Variants in SH3GL2 observed in about 807,000 individuals in gnomAD.
SH3GL2 encodes SH3 domain containing GRB2 like 2, endophilin A1.
Under a neutral mutation model 46.0 loss-of-function variants are expected in SH3GL2, and 24 were observed. The ratio of observed to expected loss-of-function variants is 0.52; its 90% CI spans 0.38 to 0.73. The LOEUF is 0.73. Among genes scored for constraint, SH3GL2 ranks in the 30% least tolerant of loss-of-function variants. The pLI, the probability that SH3GL2 is intolerant of heterozygous loss-of-function variation, is 0.00. For missense variants in SH3GL2, 413 were observed against 424.2 expected (o/e 0.97, Z 0.23); for synonymous variants, 196 against 147.1 (o/e 1.33, Z -2.40).
At chr9:17,624,287 A>T (rs1025438711) in intron 1 of SH3GL2, among the ~76,000 whole-genome samples, 1 of 152,140 alleles carries the variant, frequency 6.6e-6, no homozygotes, top group African/African-American at 2.4e-5. Flanking sequence ...TGATTATATA[A>T]TTATTGTTTT....
intron 1 of SH3GL2, among the ~76,000 whole-genome samples, chr9:17,669,842 A>G (rs1011811082): frequency 1.3e-5 from 2 of 152,144 alleles, no homozygotes; most frequent in Admixed American, 6.5e-5. Context: ...TAGCCAAGGA[A>G]ATCAAGGACA....
At chr9:17,684,921 T>C (rs1820865355) in intron 1 of SH3GL2, among the ~76,000 whole-genome samples, 1 of 152,146 alleles carries the variant, frequency 6.6e-6, no homozygotes, top group Non-Finnish European at 1.5e-5. Context: ...GAAATGAAGA[T>C]AAGGCTCTGG....
intron 1 of SH3GL2, among the ~76,000 whole-genome samples, chr9:17,675,703 C>CTCCT (rs1820590214): frequency 6.6e-6 from 1 of 152,134 alleles, no homozygotes; most frequent in African/African-American, 2.4e-5. Context: ...TCTCAGCACT[C>CTCCT]TGAGAGGCCG....
intron 1 of SH3GL2, among the ~76,000 whole-genome samples, chr9:17,651,809 T>G (rs938179573): frequency 1.3e-5 from 2 of 152,188 alleles, no homozygotes; most frequent in Non-Finnish European, 2.9e-5. Context: ...TTGTTTTAAA[T>G]TCTTATTTTG....
At chr9:17,711,071 T>A (rs891232932) in intron 1 of SH3GL2, among the ~76,000 whole-genome samples, 3 of 151,742 alleles carry the variant, frequency 2.0e-5, no homozygotes, top group Admixed American at 6.6e-5. Flanking sequence ...GGGGAAAAAA[T>A]TGTGTCTATT....
chr9:17,665,250 C>T (rs888531277), intron 1 of SH3GL2, among the ~76,000 whole-genome samples: 1 of 152,118 alleles, frequency 6.6e-6, no homozygotes, highest in Non-Finnish European at 1.5e-5. Flanking sequence ...ATATCCAGTC[C>T]ACAATCTGAA....
intron 1 of SH3GL2, among the ~76,000 whole-genome samples, chr9:17,743,330 C>T (rs1822582905): frequency 2.6e-5 from 4 of 151,966 alleles, no homozygotes; most frequent in Admixed American, 1.3e-4. Flanking sequence ...ATTACTTTTT[C>T]CCCCAGGAAT....
intron 1 of SH3GL2, among the ~76,000 whole-genome samples, chr9:17,583,626 T>C (rs1341578497): frequency 6.6e-6 from 1 of 152,256 alleles, no homozygotes; most frequent in African/African-American, 2.4e-5. Flanking sequence ...GTCAGAAATA[T>C]ACCTATTATA....
chr9:17,746,414 G>A (rs1822689131), intron 1 of SH3GL2, among the ~76,000 whole-genome samples: 1 of 152,182 alleles, frequency 6.6e-6, no homozygotes, highest in African/African-American at 2.4e-5. Flanking sequence ...TGTGGTTAGT[G>A]ACTGTTTGCA....
intron 1 of SH3GL2, among the ~76,000 whole-genome samples, chr9:17,692,447 A>G (rs1324525844): frequency 6.6e-6 from 1 of 152,052 alleles, no homozygotes; most frequent in African/African-American, 2.4e-5. Flanking sequence ...AGAGTTCGAG[A>G]CCAGCCTGGC....
At chr9:17,649,796 C>T (rs1819911272) in intron 1 of SH3GL2, among the ~76,000 whole-genome samples, 1 of 152,140 alleles carries the variant, frequency 6.6e-6, no homozygotes, top group Non-Finnish European at 1.5e-5. Flanking sequence ...GTTTTTCTTG[C>T]TATGCCTGAA....
At chr9:17,777,912 C>T (rs905558712) in intron 3 of SH3GL2, among the ~76,000 whole-genome samples, 3 of 151,946 alleles carry the variant, frequency 2.0e-5, no homozygotes, top group South Asian at 2.1e-4. Context: ...ATTCCTTTAG[C>T]GTAGGTTGGG....
chr9:17,684,964 G>A (rs759181629), intron 1 of SH3GL2, among the ~76,000 whole-genome samples: 5 of 152,114 alleles, frequency 3.3e-5, no homozygotes, highest in African/African-American at 7.2e-5. Flanking sequence ...TGACAACTGC[G>A]ATAAATAAGC....
At chr9:17,759,820 C>T (rs748054189) in intron 2 of SH3GL2, among the ~76,000 whole-genome samples, 2 of 152,168 alleles carry the variant, frequency 1.3e-5, no homozygotes, top group Admixed American at 6.5e-5. Flanking sequence ...TTTTCCTTCT[C>T]ATCATAACTA....
intron 1 of SH3GL2, among the ~76,000 whole-genome samples, chr9:17,722,101 A>G (rs1230309294): frequency 6.6e-6 from 1 of 152,070 alleles, no homozygotes; most frequent in Non-Finnish European, 1.5e-5. Context: ...AGGAATCTGA[A>G]GGTGGTGAGG....
rs149119111 is a variant in SH3GL2 at position 17,610,619 on chromosome 9, A to T, written c.45+31332A>T. 3.9e-3 allele frequency among the ~76,000 whole-genome samples: 593 copies of T among 152,296 alleles called. 5 individuals are homozygous for T. Among genetic ancestry groups the T allele is most frequent in the African/African-American group, 0.014 (567 of 41,566 alleles). ...TACTTAAAAAAATCAGGGTGTAAGG[A>T]TCCCTGGCTGAATAGTGTTGAATTT... is the stretch of plus-strand genomic sequence containing the variant. On this transcript the variant is annotated intron_variant, in intron 1 of 8. Transcript: ENST00000380607.
At chr9:17,651,717 C>T (rs1819963629) in intron 1 of SH3GL2, among the ~76,000 whole-genome samples, 1 of 152,252 alleles carries the variant, frequency 6.6e-6, no homozygotes, top group South Asian at 2.1e-4. Flanking sequence ...TCTAGGATGA[C>T]ATTTTTTTCC....
chr9:17,665,867 T>TCATC (rs879688549), intron 1 of SH3GL2, among the ~76,000 whole-genome samples: 2 of 148,808 alleles, frequency 1.3e-5, no homozygotes, highest in East Asian at 2.0e-4. Flanking sequence ...ATCTGTCTGT[T>TCATC]CATCCATCCA....
At chr9:17,657,809 C>G (rs1475833193) in intron 1 of SH3GL2, among the ~76,000 whole-genome samples, 2 of 152,158 alleles carry the variant, frequency 1.3e-5, no homozygotes, top group Non-Finnish European at 2.9e-5. Flanking sequence ...GCCCTTAAAA[C>G]AGTTTCTGGC....
Sources: gnomAD v4.1 joint callset for allele counts (sites outside exome capture counted in the v4.1 genomes callset) on GRCh38, gnomAD v4.1.1 for gene constraint, MANE v1.5 for transcripts, NCBI Gene and HGNC (gene_info 2026-07-23, HGNC 2026-07-21) for gene names.